CCDC73: variants seen among roughly 807,000 people sequenced by gnomAD.
The protein encoded by CCDC73 is coiled-coil domain containing 73.
CCDC73 carries 95 observed loss-of-function variants against 116.5 expected under a neutral mutation model. The observed-to-expected ratio is 0.82, with a 90% CI of 0.69 to 0.97. The LOEUF (loss-of-function observed/expected upper bound fraction) is 0.97. CCDC73 is among the 50% of genes least tolerant of loss of function. CCDC73 has a pLI of 0.00. For missense variants in CCDC73, 1,066 were observed against 1,206.8 expected, an observed-to-expected ratio of 0.88 and a Z score of 1.73; for synonymous variants, 398 against 401.3, an observed-to-expected ratio of 0.99 and a Z score of 0.10.
chr11:32,695,957 ATTTTAT>A (rs1465831930), intron 6 of CCDC73, among the ~76,000 whole-genome samples: 2 of 151,940 alleles, frequency 1.3e-5, no homozygotes, highest in African/African-American at 4.8e-5. Context: ...CAATTATAAA[ATTTTAT>A]TTTTAATTTT....
At chr11:32,738,837 TA>T (rs1850158683) in intron 2 of CCDC73, among the ~76,000 whole-genome samples, 1 of 152,186 alleles carries the variant, frequency 6.6e-6, no homozygotes, top group East Asian at 1.9e-4. Context: ...CTTGAGGTTT[TA>T]GATTTAAGTC....
intron 12 of CCDC73, among the ~76,000 whole-genome samples, chr11:32,645,414 CCT>C (rs1206183414): frequency 6.6e-6 from 1 of 151,842 alleles, no homozygotes; most frequent in Non-Finnish European, 1.5e-5. Flanking sequence ...GCCTCAGCCC[CCT>C]GAGTAGCTGG....
intron 17 of CCDC73, among the ~76,000 whole-genome samples, chr11:32,608,667 T>C (rs1855385039): frequency 6.6e-6 from 1 of 152,204 alleles, no homozygotes; most frequent in African/African-American, 2.4e-5. Flanking sequence ...AGGGACTCTA[T>C]ATGGGGGCTC....
chr11:32,820,451 C>T, the CCDC73 span, among the ~76,000 whole-genome samples: 4 of 152,270 alleles, frequency 2.6e-5, no homozygotes, highest in East Asian at 7.7e-4. Context: ...CCACCACACT[C>T]ATCCTTAACT....
chr11:32,755,632 CATATATATGTGTATATATATATCTCCAT>C (rs1850330178), intron 2 of CCDC73, among the ~76,000 whole-genome samples: 9 of 58,618 alleles, frequency 1.5e-4, no homozygotes, highest in Non-Finnish European at 3.5e-5. Flanking sequence ...TATATATCTC[CATATATATGTGTATATATATATCTCCAT>C]ATATATGTGT....
rs143667904 is a variant in CCDC73 at position 32,702,131 on chromosome 11, A to G, written c.279+742T>C. On this transcript the variant is annotated intron_variant, in intron 4 of 17. Coordinates refer to ENST00000335185, the MANE Select transcript of CCDC73 (RefSeq NM_001008391.4). Reference sequence around the variant, plus strand: ...AGTCTGTCATTTGCTTAAAAAAATTAACACATCTACACACACTTGTATTAT... The same window carrying G: ...AGTCTGTCATTTGCTTAAAAAAATTGACACATCTACACACACTTGTATTAT... 5.3e-4 allele frequency among the ~76,000 whole-genome samples: 81 copies of G among 152,058 alleles called. 1 individual carries two copies. Among genetic ancestry groups the G allele is most frequent in the Non-Finnish European group, 8.1e-4 (55 of 67,944 alleles).
At chr11:32,665,417 C>T (rs980592775) in intron 9 of CCDC73, among the ~76,000 whole-genome samples, 2 of 152,108 alleles carry the variant, frequency 1.3e-5, no homozygotes, top group Non-Finnish European at 2.9e-5. Flanking sequence ...ATGTAATGGC[C>T]TTCTTTGTCC....
the CCDC73 span, among the ~76,000 whole-genome samples, chr11:32,807,663 C>A: frequency 6.6e-6 from 1 of 151,212 alleles, no homozygotes; most frequent in Non-Finnish European, 1.5e-5. Context: ...CAAGATAATT[C>A]TTCTTGTTCC....
chr11:32,613,540 A>AC lies in CCDC73; in HGVS notation c.2777_2778insG (p.Cys927LeufsTer26). ...TCTCCTTCAGCAACAAAGAAATGCA[A>AC]GGGGTCGAACTGCTCGCTGTTTGAC... is the stretch of plus-strand genomic sequence containing the variant. On this transcript the variant is annotated frameshift_variant, in exon 16 of 18. Transcript: ENST00000335185. LOFTEE classifies it high-confidence loss of function. 9 of 1,614,112 alleles carry AC rather than the reference A, an allele frequency of 5.6e-6. No homozygotes were observed. The highest frequency in any genetic ancestry group is 7.6e-6 in the Non-Finnish European group (9 of 1,180,010).
chr11:32,793,809 C>T (rs1287407373), intron 1 of CCDC73, among the ~76,000 whole-genome samples: 1 of 151,990 alleles, frequency 6.6e-6, no homozygotes, highest in Non-Finnish European at 1.5e-5. Flanking sequence ...CGGGGTTTCA[C>T]CATGTTGACC....
chr11:32,789,233 C>G (rs543276464), intron 1 of CCDC73, among the ~76,000 whole-genome samples: 29 of 152,142 alleles, frequency 1.9e-4, no homozygotes, highest in African/African-American at 6.5e-4. Context: ...TCATTCTTAG[C>G]GACTACAGTG....
At chr11:32,757,461 T>C (rs542314151) in intron 2 of CCDC73, among the ~76,000 whole-genome samples, 3 of 152,192 alleles carry the variant, frequency 2.0e-5, no homozygotes, top group African/African-American at 4.8e-5. Flanking sequence ...AGATCAAGCA[T>C]AGAATCTGAT....
At chr11:32,611,402 T>C in intron 16 of CCDC73, 137 bp from the exon 17 acceptor site, 1 of 759,124 alleles carries the variant, frequency 1.3e-6, no homozygotes, top group African/African-American at 1.8e-5. Context: ...TATTTTGCAG[T>C]TGTCCTAGAC....
intron 9 of CCDC73, among the ~76,000 whole-genome samples, chr11:32,661,148 T>C (rs1485032382): frequency 6.6e-6 from 1 of 152,156 alleles, no homozygotes; most frequent in Non-Finnish European, 1.5e-5. Flanking sequence ...GAATATCAAA[T>C]ACCTTCAAGG....
intron 9 of CCDC73, among the ~76,000 whole-genome samples, chr11:32,674,145 G>A (rs1856063811): frequency 6.6e-6 from 1 of 152,172 alleles, no homozygotes; most frequent in Non-Finnish European, 1.5e-5. Context: ...TATAGATCTG[G>A]AGGGGCAAAC....
chr11:32,754,878 C>CTTTTTTT (rs34982926), intron 2 of CCDC73, among the ~76,000 whole-genome samples: 6 of 86,562 alleles, frequency 6.9e-5, no homozygotes, highest in Non-Finnish European at 1.3e-4. Flanking sequence ...ATGGCTTCAA[C>CTTTTTTT]TTTTTTTTTT....
At chr11:32,643,468 T>C (rs935867546) in intron 12 of CCDC73, among the ~76,000 whole-genome samples, 1 of 152,108 alleles carries the variant, frequency 6.6e-6, no homozygotes, top group Non-Finnish European at 1.5e-5. Flanking sequence ...TACACAAACC[T>C]AGATGGTATA....
intron 9 of CCDC73, among the ~76,000 whole-genome samples, chr11:32,657,516 C>T (rs1470402424): frequency 6.6e-6 from 1 of 152,118 alleles, no homozygotes; most frequent in Non-Finnish European, 1.5e-5. Flanking sequence ...CCATTTATCA[C>T]TCCTGATTCA....
chr11:32,655,676 G>T (rs757050975), intron 9 of CCDC73, among the ~76,000 whole-genome samples: 1 of 152,202 alleles, frequency 6.6e-6, no homozygotes, highest in African/African-American at 2.4e-5. Flanking sequence ...GGACTTGTAC[G>T]TTACGCTACA....
Sources: allele counts gnomAD v4.1 joint callset (sites outside exome capture counted in the v4.1 genomes callset), GRCh38; gene constraint gnomAD v4.1.1; transcripts MANE v1.5; gene names NCBI Gene and HGNC (gene_info 2026-07-23, HGNC 2026-07-21).